Variants in NACC1 observed in about 807,000 individuals in gnomAD.
NACC1 encodes nucleus accumbens associated 1.
A neutral mutation model predicts 41.7 loss-of-function variants in NACC1; 6 were observed. The observed-to-expected ratio is 0.14, with a 90% CI of 0.08 to 0.28. The LOEUF (loss-of-function observed/expected upper bound fraction) is 0.28, where lower values mean the gene tolerates loss of function less well. Among genes scored for constraint, NACC1 ranks in the 10% least tolerant of loss-of-function variants. The pLI, the probability that NACC1 is intolerant of heterozygous loss-of-function variation, is 1.00. For synonymous variants in NACC1, 338 were observed against 330.6 expected, an observed-to-expected ratio of 1.02 and a Z score of -0.24; for missense variants, 434 against 763.7, an observed-to-expected ratio of 0.57 and a Z score of 5.09.
rs1313982804 is a variant in NACC1, at chr19:13,129,704, G to T, written c.-8-5496G>T. Among the ~76,000 whole-genome samples the T allele has an allele frequency of 2.6e-5, 4 of 152,338 alleles. No individual in the cohort carries two copies. The East Asian group carries it at 5.8e-4, about 22-fold the overall frequency. ...AATCAAAGGCTCCAAAGCCCTGGGT[G>T]CTGTGGTGCTGGGCTCTGAAGCTGA... On this transcript the variant is annotated intron_variant, in intron 1 of 5. Coordinates refer to ENST00000292431, the MANE Select transcript of NACC1 (RefSeq NM_052876.4).
intron 1 of NACC1, among the ~76,000 whole-genome samples, chr19:13,120,852 G>C (rs1438787043): frequency 6.6e-6 from 1 of 152,212 alleles, no homozygotes; most frequent in Non-Finnish European, 1.5e-5. Flanking sequence ...GAAGGCACCA[G>C]TAATAACTGC....
At position 13,135,612 on chromosome 19, in the gene NACC1, G is replaced by T; in HGVS notation, c.405G>T (p.Ala135=). 1.3e-6 allele frequency: 2 copies of T among 1,586,088 alleles called. No individual in the cohort carries two copies. The highest frequency in any genetic ancestry group is 1.7e-6 in the Non-Finnish European group (2 of 1,168,780). Residue 135 remains alanine, a synonymous_variant, in exon 2 of 6, where the codon GCG becomes GCT. Coordinates refer to ENST00000292431, the MANE Select transcript of NACC1 (RefSeq NM_052876.4). ...GCTGCGACTCCCAGGGCCTGCATGC[G>T]GAGGAGGCCCCATCGTCGGAGCCCC... The part of the protein sequence containing the change: ...SPSCDSQGLH[A]EEAPSSEPQS...
intron 1 of NACC1, among the ~76,000 whole-genome samples, chr19:13,121,335 C>T (rs984157651): frequency 1.5e-4 from 23 of 152,108 alleles, no homozygotes; most frequent in African/African-American, 5.1e-4. Flanking sequence ...GGGGGGATGA[C>T]CCTACTGTGG....
Position 13,135,663 on chromosome 19 carries a change from C to A in NACC1, c.456C>A (p.Gly152=). 1 of 1,556,936 alleles carries A rather than the reference C, an allele frequency of 6.4e-7. No homozygotes were observed. Among genetic ancestry groups the A allele is most frequent in the Admixed American group, 1.9e-5 (1 of 52,202 alleles). The change falls in exon 2 of 6, where the codon GGC becomes GGA. Residue 152 remains glycine (G), a synonymous_variant. Transcript: ENST00000292431. ...EPQSPVAQTS[G]WPACSTPLPL... ...AGAGCCCCGTGGCGCAGACATCGGGCTGGCCAGCCTGTAGCACCCCGCTGC... is the reference window on the plus strand; with the variant it reads ...AGAGCCCCGTGGCGCAGACATCGGGATGGCCAGCCTGTAGCACCCCGCTGC...
At chr19:13,135,109 T>C (rs1264951650) in intron 1 of NACC1, 91 bp from the exon 2 acceptor site, 37 of 1,444,058 alleles carry the variant, frequency 2.6e-5, no homozygotes, top group Non-Finnish European at 3.2e-5. Context: ...AGGGGAGGTC[T>C]TTGGGGCCAG....
At position 13,135,585 on chromosome 19, in the gene NACC1, G is replaced by A. The variant is rs771489184; in HGVS notation, c.378G>A (p.Pro126=). The A allele has an allele frequency of 4.2e-5, 67 of 1,597,734 alleles. No homozygotes were observed. Among genetic ancestry groups the A allele is most frequent in the Non-Finnish European group, 5.3e-5 (62 of 1,173,738 alleles). The part of the protein sequence containing the change: ...GTEFFLKVSS[P]SCDSQGLHAE... ...AGTTCTTCCTCAAGGTGAGCTCCCC[G>A]AGCTGCGACTCCCAGGGCCTGCATG... The change falls in exon 2 of 6, where the codon CCG becomes CCA. Residue 126 remains proline (P), a synonymous_variant. Coordinates refer to ENST00000292431, the MANE Select transcript of NACC1 (RefSeq NM_052876.4).
chr19:13,140,138 T>A lies in NACC1; in HGVS notation c.*1732T>A, dbSNP rs2019768128. ...CGGGGGTCAGTCATGAGTGCCAGGG[T>A]CTGGCTGGGGTCTTGGCACTGTCTT... is the stretch of plus-strand genomic sequence containing the variant. On this transcript the variant is annotated 3_prime_UTR_variant, in exon 6 of 6. Coordinates refer to ENST00000292431, the MANE Select transcript of NACC1 (RefSeq NM_052876.4). This position sits in a 1 kb window ranked among gnomAD's most constrained non-coding sequence, Gnocchi z 4.0. The A allele has an allele frequency of 6.6e-6, 1 of 152,586 alleles. No homozygotes were observed. 9.5% of individuals were successfully genotyped at this position (152,586 alleles called of 1,614,324 possible).
At chr19:13,122,163 A>G (rs931726650) in intron 1 of NACC1, among the ~76,000 whole-genome samples, 2 of 152,128 alleles carry the variant, frequency 1.3e-5, no homozygotes, top group Admixed American at 6.6e-5. Flanking sequence ...GGTTGTGGTC[A>G]TGTCCCTCCA....
At chr19:13,129,130 G>A (rs2019599690) in intron 1 of NACC1, among the ~76,000 whole-genome samples, 3 of 152,198 alleles carry the variant, frequency 2.0e-5, no homozygotes, top group Admixed American at 2.0e-4. Context: ...GGTGGAGGAA[G>A]AGGGTATTCC....
rs1427646330 is a variant in NACC1 at position 13,136,109 on chromosome 19, G to A, written c.902G>A (p.Cys301Tyr). The change falls in exon 2 of 6, where the codon TGC becomes TAC. Residue 301 changes from cysteine (C) to tyrosine (Y), a missense_variant. Cys to Tyr is a radical substitution (Grantham distance 194). This residue lies in a region of NACC1 where 234 missense variants were observed against 308.3 expected (regional missense o/e 0.76). Transcript: ENST00000292431. This position sits in a 1 kb window ranked among gnomAD's most constrained non-coding sequence, Gnocchi z 5.5. The stretch of plus-strand genomic sequence containing the variant: ...ATGGATGAGCAGTACCGGCAGATCT[G>A]CAACATGTACACCATGTACAGCATG... ...EGMDEQYRQI[C>Y]NMYTMYSMMN... 1.2e-6 allele frequency: 2 copies of A among 1,613,754 alleles called. No homozygotes were observed. The highest frequency in any genetic ancestry group is 1.7e-6 in the Non-Finnish European group (2 of 1,180,012).
chr19:13,122,093 G>T (rs2019502048), intron 1 of NACC1, among the ~76,000 whole-genome samples: 2 of 152,178 alleles, frequency 1.3e-5, no homozygotes, highest in South Asian at 4.1e-4. Context: ...TGCACATTAG[G>T]TGGGGTGAGG....
chr19:13,127,866 A>G (rs2019585609), intron 1 of NACC1, among the ~76,000 whole-genome samples: 1 of 152,014 alleles, frequency 6.6e-6, no homozygotes, highest in African/African-American at 2.4e-5. Context: ...AAGAGTAGAG[A>G]AAGGGCTTTA....
chr19:13,138,895 C>T lies in NACC1; in HGVS notation c.*489C>T, dbSNP rs181417149. 1.3e-4 allele frequency: 21 copies of T among 161,068 alleles called. No homozygotes were observed. The highest frequency in any genetic ancestry group is 3.8e-4 in the African/African-American group (16 of 41,814). The allele number at this position is 161,068 out of a possible 1,614,324, so 10.0% of individuals were successfully genotyped here. A position where few individuals can be genotyped will look rare whatever the true frequency, so the allele number is the denominator to read the frequency against. On this transcript the variant is annotated 3_prime_UTR_variant, in exon 6 of 6. Coordinates refer to ENST00000292431, the MANE Select transcript of NACC1 (RefSeq NM_052876.4). This position sits in a 1 kb window ranked among gnomAD's most constrained non-coding sequence, Gnocchi z 5.7. ...TCCAAAAGCGCCTTCCTGTCACCCTCGTCTATCCCTGCGCCTGGGGGCTGG... is the reference window on the plus strand; with the variant it reads ...TCCAAAAGCGCCTTCCTGTCACCCTTGTCTATCCCTGCGCCTGGGGGCTGG...
chr19:13,135,228 G>A lies in NACC1; in HGVS notation c.21G>A (p.Met7Ile), dbSNP rs2019684955. The change falls in exon 2 of 6, where the codon ATG becomes ATA. Residue 7 changes from methionine (M) to isoleucine (I), a missense_variant. Around this residue, in one of 4 missense-constraint regions of NACC1, gnomAD observed 67 missense variants for 180.1 expected, o/e 0.37. Coordinates refer to ENST00000292431, the MANE Select transcript of NACC1 (RefSeq NM_052876.4). MAQTLQ[M>I]EIPNFGNSIL... is the part of the protein sequence containing the mutation. ...CTGCCATGGCCCAGACACTGCAGAT[G>A]GAGATCCCGAACTTCGGCAACAGCA... The A allele has an allele frequency of 6.2e-7, 1 of 1,608,758 alleles. No individual in the cohort carries two copies. The highest frequency in any genetic ancestry group is 8.5e-7 in the Non-Finnish European group (1 of 1,177,422).
chr19:13,124,391 C>CT (rs1260166136), intron 1 of NACC1, among the ~76,000 whole-genome samples: 1 of 152,000 alleles, frequency 6.6e-6, no homozygotes, highest in East Asian at 1.9e-4. Flanking sequence ...CAGAGGAAGA[C>CT]TGTCTCAACA....
intron 1 of NACC1, among the ~76,000 whole-genome samples, chr19:13,130,004 TTG>T (rs2019613397): frequency 6.6e-6 from 1 of 151,928 alleles, no homozygotes; most frequent in Admixed American, 6.6e-5. Context: ...ACTGTTTTGT[TTG>T]TTTGTTTGGT....
At chr19:13,130,347 T>C (rs1013607420) in intron 1 of NACC1, among the ~76,000 whole-genome samples, 1 of 152,030 alleles carries the variant, frequency 6.6e-6, no homozygotes, top group Non-Finnish European at 1.5e-5. Context: ...CAGAGTGCTG[T>C]GATTACAGGC....
chr19:13,138,178 G>A lies in NACC1; in HGVS notation c.1356G>A (p.Lys452=). 2 of 1,614,130 alleles carry A rather than the reference G, an allele frequency of 1.2e-6. No individual in the cohort carries two copies. The highest frequency in any genetic ancestry group is 1.7e-6 in the Non-Finnish European group (2 of 1,179,984). The change falls in exon 6 of 6, where the codon AAG becomes AAA. Residue 452 remains lysine (K), a synonymous_variant. Transcript: ENST00000292431. The surrounding 1 kb of genome is among the most constrained non-coding windows in gnomAD (Gnocchi z 5.7). ...YYCQNFAPNF[K]ESEMNAIAAD... ...GCCAGAACTTCGCCCCCAACTTCAA[G>A]GAGAGCGAGATGAATGCCATCGCGG...
rs750947118 is a variant in NACC1 at position 13,135,660 on chromosome 19, G to A, written c.453G>A (p.Ser151=). 8 of 1,558,494 alleles carry A rather than the reference G, an allele frequency of 5.1e-6. No homozygotes were observed. Among genetic ancestry groups the A allele is most frequent in the Middle Eastern group, 1.7e-4 (1 of 5,984 alleles). ...SEPQSPVAQT[S]GWPACSTPLP... The stretch of plus-strand genomic sequence containing the variant: ...CCCAGAGCCCCGTGGCGCAGACATC[G>A]GGCTGGCCAGCCTGTAGCACCCCGC... Residue 151 remains serine, a synonymous_variant, in exon 2 of 6, where the codon TCG becomes TCA. Coordinates refer to ENST00000292431, the MANE Select transcript of NACC1 (RefSeq NM_052876.4).
Sources: gnomAD v4.1 joint callset for allele counts (sites outside exome capture counted in the v4.1 genomes callset) on GRCh38, gnomAD v4.1.1 for gene constraint, gnomAD v4.1.1 regional missense constraint, Gnocchi (gnomAD v3.1) non-coding constraint, MANE v1.5 for transcripts, NCBI Gene and HGNC (gene_info 2026-07-23, HGNC 2026-07-21) for gene names.